TLN2: variants seen among roughly 807,000 people sequenced by gnomAD.
TLN2 encodes talin 2.
Under a neutral mutation model 294.7 loss-of-function variants are expected in TLN2, and 118 were observed. The observed-to-expected ratio is 0.40, with a 90% confidence interval of 0.34 to 0.47. TLN2 has a LOEUF of 0.47. Ranked by LOEUF, TLN2 falls within the 20% of genes least tolerant of loss-of-function variation. The pLI, the probability that TLN2 is intolerant of heterozygous loss-of-function variation, is 0.84. For missense variants in TLN2, 3,083 were observed against 3,282.2 expected, an observed-to-expected ratio of 0.94 and a Z score of 1.48; for synonymous variants, 1,431 against 1,304.5, an observed-to-expected ratio of 1.10 and a Z score of -2.09.
At chr15:62,472,918 C>T (rs891541834) in intron 1 of TLN2, among the ~76,000 whole-genome samples, 2 of 152,156 alleles carry the variant, frequency 1.3e-5, no homozygotes, top group African/African-American at 4.8e-5. Flanking sequence ...AGGGGGTGGC[C>T]CAGGGTTCCT....
At chr15:62,675,089 C>A in intron 10 of TLN2, 128 bp from the exon 11 acceptor site, 1 of 823,030 alleles carries the variant, frequency 1.2e-6, no homozygotes, top group Non-Finnish European at 1.9e-6. Context: ...GGAGGGGTCT[C>A]AGACACAACC....
intron 45 of TLN2, 75 bp downstream of exon 45, chr15:62,783,965 T>G (rs750443175): frequency 1.7e-5 from 27 of 1,591,232 alleles, no homozygotes; most frequent in Admixed American, 6.7e-5. Flanking sequence ...TCTTCATAGC[T>G]TAGCTCCACT....
chr15:62,630,793 A>G lies in TLN2; in HGVS notation c.-37+12318A>G, dbSNP rs180828957. Among the ~76,000 whole-genome samples the G allele has an allele frequency of 1.7e-3, 259 of 152,114 alleles. 4 individuals carry two copies. The highest frequency in any genetic ancestry group is 3.1e-3 in the East Asian group (16 of 5,170). ...AGCTCTGTTTAACATTTCAGGGGTG[A>G]TGGAGTAATGCTGTCTATAAATATT... On this transcript the variant is annotated intron_variant, in intron 3 of 58. Transcript: ENST00000636159.
rs770176715 is a variant in TLN2, at chr15:62,727,097, G to T, written c.3266G>T (p.Cys1089Phe). 6.2e-7 allele frequency: 1 copy of T among 1,614,088 alleles called. No individual in the cohort carries two copies. The highest frequency in any genetic ancestry group is 8.5e-7 in the Non-Finnish European group (1 of 1,179,996). Residue 1089 changes from cysteine (C) to phenylalanine (F), a missense_variant, in exon 28 of 59, where the codon TGT becomes TTT. Transcript: ENST00000636159. ...TGAATATTCTTGTAGCTGGAAAAATGTGCTCAGGACCTGGGAAGCACATCC... is the reference window on the plus strand; with the variant it reads ...TGAATATTCTTGTAGCTGGAAAAATTTGCTCAGGACCTGGGAAGCACATCC... Reference protein sequence around the residue: ...KPLPGETLEKCAQDLGSTSKA... With the variant: ...KPLPGETLEKFAQDLGSTSKA...
intron 32 of TLN2, among the ~76,000 whole-genome samples, chr15:62,740,982 C>T (rs1482074110): frequency 6.6e-6 from 1 of 152,206 alleles, no homozygotes; most frequent in Admixed American, 6.5e-5. Flanking sequence ...CTTCTGTCTT[C>T]TCATACAGCC....
At chr15:62,690,353 G>A (rs1436041167) in intron 12 of TLN2, 10 of 150,128 alleles carry the variant, frequency 6.7e-5, no homozygotes, top group Non-Finnish European at 4.2e-5. Context: ...GGGCAGAGGC[G>A]CTCCTCACCT....
At chr15:62,727,034 C>A (rs889391610) in intron 27 of TLN2, 53 bp from the exon 28 acceptor site, 4 of 1,565,528 alleles carry the variant, frequency 2.6e-6, no homozygotes, top group Non-Finnish European at 3.5e-6. Context: ...TTTAAGACCT[C>A]AGCAGATGTT....
At chr15:62,641,411 GT>G (rs2051084666) in intron 3 of TLN2, among the ~76,000 whole-genome samples, 1 of 152,002 alleles carries the variant, frequency 6.6e-6, no homozygotes, top group Non-Finnish European at 1.5e-5. Context: ...GAGGTTGGGA[GT>G]TTGAGACCAG....
intron 1 of TLN2, among the ~76,000 whole-genome samples, chr15:62,545,572 G>A (rs925960295): frequency 1.3e-5 from 2 of 150,572 alleles, no homozygotes; most frequent in African/African-American, 5.0e-5. Flanking sequence ...GTTCTTTCCT[G>A]GGTTTTGTGG....
chr15:62,538,782 A>G lies in TLN2; in HGVS notation c.-237-50905A>G, dbSNP rs181209748. On this transcript the variant is annotated intron_variant, in intron 1 of 58. Coordinates refer to ENST00000636159, the MANE Select transcript of TLN2 (RefSeq NM_015059.3). ...ATAGACTCAGGCCATTTGTGAATCA[A>G]TAAACCTAGGACTGTCATTCTGAAA... is the stretch of plus-strand genomic sequence containing the variant. Among the ~76,000 whole-genome samples, 336 of 152,342 alleles carry G rather than the reference A, an allele frequency of 2.2e-3. 5 individuals carry two copies. In the South Asian group the frequency reaches 0.034, roughly 15 times the overall value.
At chr15:62,498,013 C>T (rs2039098633) in intron 1 of TLN2, among the ~76,000 whole-genome samples, 1 of 151,630 alleles carries the variant, frequency 6.6e-6, no homozygotes, top group Non-Finnish European at 1.5e-5. Context: ...TTTGGGAGGC[C>T]AGGGTGGGCA....
chr15:62,630,214 G>A (rs1408047932), intron 3 of TLN2, among the ~76,000 whole-genome samples: 2 of 152,126 alleles, frequency 1.3e-5, no homozygotes, highest in African/African-American at 4.8e-5. Flanking sequence ...AAGAGGACAG[G>A]TCATTTAGGT....
At chr15:62,437,038 G>A (rs1029163639) in intron 1 of TLN2, among the ~76,000 whole-genome samples, 2 of 152,216 alleles carry the variant, frequency 1.3e-5, no homozygotes, top group East Asian at 3.8e-4. Context: ...CCAATTGTAT[G>A]ATTTCTCTTT....
At chr15:62,572,062 G>A (rs1216834861) in intron 1 of TLN2, among the ~76,000 whole-genome samples, 2 of 152,100 alleles carry the variant, frequency 1.3e-5, no homozygotes, top group Admixed American at 1.3e-4. Context: ...CAGGAACATC[G>A]TAGATACCTG....
chr15:62,437,750 G>GGT (rs761626717), intron 1 of TLN2, among the ~76,000 whole-genome samples: 8 of 73,768 alleles, frequency 1.1e-4, no homozygotes, highest in Admixed American at 7.3e-4. Context: ...AAACACCATG[G>GGT]GGGTGTGTGT....
chr15:62,831,520 G>T (rs556426031), intron 54 of TLN2: 1 of 151,764 alleles, frequency 6.6e-6, no homozygotes, highest in East Asian at 1.9e-4. Flanking sequence ...TAATTTATTT[G>T]GGGACTGACT....
intron 1 of TLN2, among the ~76,000 whole-genome samples, chr15:62,467,953 A>G (rs1257452964): frequency 6.6e-6 from 1 of 152,158 alleles, no homozygotes; most frequent in Non-Finnish European, 1.5e-5. Flanking sequence ...CATCCTTGGC[A>G]TAGTCTTGGG....
In TLN2 at chr15:62,413,508, G is replaced by A. The variant is rs535953900; in HGVS notation, c.-238+22823G>A. On this transcript the variant is annotated intron_variant, in intron 1 of 58. Transcript: ENST00000636159. ...CCCTATTGTTGGGGATGCTATACCC[G>A]GCTGTTTCTCTTGGCTTGACGCGCC... 3.3e-5 allele frequency among the ~76,000 whole-genome samples: 5 copies of A among 152,280 alleles called. No individual in the cohort carries two copies. In the South Asian group the frequency reaches 8.3e-4, roughly 25 times the overall value.
chr15:62,722,681 T>G (rs1172733409), intron 26 of TLN2, among the ~76,000 whole-genome samples, 194 bp downstream of exon 26: 1 of 152,196 alleles, frequency 6.6e-6, no homozygotes, highest in Non-Finnish European at 1.5e-5. Flanking sequence ...TAGTATTCAC[T>G]TTTTGATTTC....
Sources: gnomAD v4.1 joint callset for allele counts (sites outside exome capture counted in the v4.1 genomes callset) on GRCh38, gnomAD v4.1.1 for gene constraint, MANE v1.5 for transcripts, NCBI Gene and HGNC (gene_info 2026-07-23, HGNC 2026-07-21) for gene names.